Variants in EIF3E observed in about 807,000 individuals in gnomAD.
EIF3E encodes eIF-3 p48.
Under a neutral mutation model 59.3 loss-of-function variants are expected in EIF3E, and 25 were observed. The ratio of observed to expected loss-of-function variants is 0.42; its 90% confidence interval spans 0.31 to 0.59. EIF3E has a LOEUF of 0.59. Ranked by LOEUF, EIF3E falls within the 20% of genes least tolerant of loss-of-function variation. The pLI, the probability that EIF3E is intolerant of heterozygous loss-of-function variation, is 0.15. For missense variants in EIF3E, 317 were observed against 534.3 expected, an observed-to-expected ratio of 0.59 and a Z score of 4.01; for synonymous variants, 176 against 170.2, an observed-to-expected ratio of 1.03 and a Z score of -0.26.
At chr8:108,222,137 G>T (rs923828734) in intron 7 of EIF3E, among the ~76,000 whole-genome samples, 8 of 150,374 alleles carry the variant, frequency 5.3e-5, no homozygotes, top group Non-Finnish European at 1.0e-4. Flanking sequence ...TTAACTCCTG[G>T]ACTCAAACCA....
At chr8:108,214,492 CA>C in intron 10 of EIF3E, 114 bp downstream of exon 10, 1 of 794,948 alleles carries the variant, frequency 1.3e-6, no homozygotes, top group Non-Finnish European at 1.9e-6. Context: ...CTTCTGAAAG[CA>C]AAAATAAATA....
At chr8:108,214,582 C>G in intron 10 of EIF3E, 25 bp downstream of exon 10, 1 of 1,510,286 alleles carries the variant, frequency 6.6e-7, no homozygotes, top group South Asian at 1.3e-5. Flanking sequence ...AGTAGAAAAT[C>G]CAAATCAAAT....
chr8:108,242,586 A>T, intron 1 of EIF3E: 3 of 1,169,256 alleles, frequency 2.6e-6, no homozygotes, highest in Middle Eastern at 3.9e-4. Context: ...GAAAAATCCA[A>T]GAAAATGCCA....
At chr8:108,233,149 A>G (rs1342139327) in intron 5 of EIF3E, among the ~76,000 whole-genome samples, 1 of 152,244 alleles carries the variant, frequency 6.6e-6, no homozygotes, top group Non-Finnish European at 1.5e-5. Flanking sequence ...TGCACTTGCA[A>G]GTGAACCACA....
chr8:108,217,519 T>G, intron 7 of EIF3E, 59 bp from the exon 8 acceptor site: 1 of 1,414,156 alleles, frequency 7.1e-7, no homozygotes, highest in Non-Finnish European at 9.6e-7. Flanking sequence ...AAGAAAACTC[T>G]CGAGCAGGTC....
At chr8:108,206,254 G>C (rs1815098561) in intron 10 of EIF3E, among the ~76,000 whole-genome samples, 1 of 151,976 alleles carries the variant, frequency 6.6e-6, no homozygotes, top group Non-Finnish European at 1.5e-5. Context: ...GATCTTGGGA[G>C]GCAGAGGTTA....
chr8:108,228,272 C>T lies in EIF3E; in HGVS notation c.717G>A (p.Gln239=). 6.3e-7 allele frequency: 1 copy of T among 1,589,418 alleles called. No individual in the cohort carries two copies. Among genetic ancestry groups the T allele is most frequent in the Non-Finnish European group, 8.6e-7 (1 of 1,168,992 alleles). ...TACACAGTGAAATAACTTACTGTGG[C>T]TGATAAAGGAAGAGGTCAATAATAT... The part of the protein sequence containing the change: ...RDNIIDLFLY[Q]PQYLNAIQTM... The change falls in exon 7 of 13, where the codon CAG becomes CAA. Residue 239 remains glutamine, a synonymous_variant. Coordinates refer to ENST00000220849, the MANE Select transcript of EIF3E (RefSeq NM_001568.3).
At chr8:108,212,710 G>A (rs569116468) in intron 10 of EIF3E, among the ~76,000 whole-genome samples, 156 of 152,254 alleles carry the variant, frequency 1.0e-3, no homozygotes, top group Non-Finnish European at 2.0e-3. Flanking sequence ...GCTGAGGCAC[G>A]AGAATCTCTT....
At chr8:108,208,066 T>C (rs1586191146) in intron 10 of EIF3E, among the ~76,000 whole-genome samples, 1 of 152,182 alleles carries the variant, frequency 6.6e-6, no homozygotes, top group Non-Finnish European at 1.5e-5. Flanking sequence ...CTAGATTTTC[T>C]ATCAGGTTTT....
intron 10 of EIF3E, among the ~76,000 whole-genome samples, chr8:108,205,213 T>G (rs925821557): frequency 6.6e-6 from 1 of 152,174 alleles, no homozygotes; most frequent in Non-Finnish European, 1.5e-5. Context: ...TATAGTTGTT[T>G]TACTGAATAT....
Position 108,228,373 on chromosome 8 carries a change from G to A in EIF3E, c.616C>T (p.Gln206Ter). 2.6e-6 allele frequency: 4 copies of A among 1,560,018 alleles called. No homozygotes were observed. Among genetic ancestry groups the A allele is most frequent in the Non-Finnish European group, 2.6e-6 (3 of 1,154,460 alleles). ...AGCCATGTTCTCTGCTGAAGAGACTGAAGTGGAGAACTCACAGACTAAAGG... is the reference window on the plus strand; with the variant it reads ...AGCCATGTTCTCTGCTGAAGAGACTAAAGTGGAGAACTCACAGACTAAAGG... Reference protein sequence around the residue: ...IDNNSVSSPLQSLQQRTWLIH... With the variant: ...IDNNSVSSPL The change falls in exon 7 of 13, where the codon CAG becomes TAG. Residue 206 changes from glutamine (Q) to a stop codon, truncating the protein, a stop_gained. Transcript: ENST00000220849. LOFTEE classifies it high-confidence loss of function.
chr8:108,233,694 A>T (rs1441560583), intron 5 of EIF3E: 4 of 408,134 alleles, frequency 9.8e-6, no homozygotes, highest in Non-Finnish European at 1.5e-5. Flanking sequence ...AAAAATTAAA[A>T]ATTAGCCATG....
At position 108,201,868 on chromosome 8, in the gene EIF3E, C is replaced by A. The variant is rs1185129810; in HGVS notation, c.*17G>T. On this transcript the variant is annotated 3_prime_UTR_variant, in exon 13 of 13. Transcript: ENST00000220849. ...TTTCTTTGATAGTTTTTTTTTTCAT[C>A]TTTTCTTTATGGTTCTTCAGTAGAA... is the stretch of plus-strand genomic sequence containing the variant. The A allele has an allele frequency of 2.7e-6, 4 of 1,462,836 alleles. No homozygotes were observed. The highest frequency in any genetic ancestry group is 2.7e-6 in the Non-Finnish European group (3 of 1,104,748). 90.6% of individuals were successfully genotyped at this position (1,462,836 alleles called of 1,614,324 possible). A position where few individuals can be genotyped will look rare whatever the true frequency, so the allele number is the denominator to read the frequency against.
At chr8:108,208,822 A>C (rs969438065) in intron 10 of EIF3E, among the ~76,000 whole-genome samples, 1 of 152,120 alleles carries the variant, frequency 6.6e-6, no homozygotes, top group African/African-American at 2.4e-5. Flanking sequence ...AAACTCGTCC[A>C]AGAATTATTT....
chr8:108,210,042 CT>C (rs34870098), intron 10 of EIF3E, among the ~76,000 whole-genome samples: 55,345 of 145,706 alleles, frequency 0.38, 10,893 homozygotes, highest in East Asian at 0.5. Flanking sequence ...AACAGTTTAA[CT>C]TTTTTTTTTT....
chr8:108,240,193 C>T (rs1436896699), intron 2 of EIF3E, 118 bp from the exon 3 acceptor site: 6 of 819,808 alleles, frequency 7.3e-6, no homozygotes, highest in Non-Finnish European at 8.5e-6. Flanking sequence ...TTATTTACCC[C>T]CAATATATTC....
At position 108,201,805 on chromosome 8, in the gene EIF3E, G is replaced by GT. The variant is rs2129829897; in HGVS notation, c.*79dup. 2.6e-6 allele frequency: 3 copies of GT among 1,170,512 alleles called. No individual in the cohort carries two copies. In the East Asian group the frequency reaches 9.1e-5, roughly 35 times the overall value. 72.5% of individuals were successfully genotyped at this position (1,170,512 alleles called of 1,614,324 possible). On this transcript the variant is annotated 3_prime_UTR_variant, in exon 13 of 13. Transcript: ENST00000220849. ...ATACGTAATATGTTGTTTCCAAAAT[G>GT]TAAGTCACCCTTTATATAATAGTTT...
At chr8:108,213,895 C>A (rs2129860353) in intron 10 of EIF3E, among the ~76,000 whole-genome samples, 1 of 152,244 alleles carries the variant, frequency 6.6e-6, no homozygotes, top group African/African-American at 2.4e-5. Context: ...TAAGCAAAAA[C>A]AAATGGCATT....
chr8:108,246,510 T>C (rs1316634294), intron 1 of EIF3E, among the ~76,000 whole-genome samples: 1 of 152,220 alleles, frequency 6.6e-6, no homozygotes, highest in Non-Finnish European at 1.5e-5. Context: ...TGTTTAGTGG[T>C]GAGATGTCTG....
Sources: gnomAD v4.1 joint callset for allele counts (sites outside exome capture counted in the v4.1 genomes callset) on GRCh38, gnomAD v4.1.1 for gene constraint, MANE v1.5 for transcripts, NCBI Gene and HGNC (gene_info 2026-07-23, HGNC 2026-07-21) for gene names.